The following KCND2 variants were observed in gnomAD, a reference collection of about 807,000 sequenced individuals.
KCND2 encodes potassium voltage-gated channel subfamily D member 2, also known as A-type voltage-gated potassium channel KCND2.
In KCND2, 16 loss-of-function variants were observed where a neutral mutation model predicts 54.4. The observed-to-expected ratio is 0.29, with a 90% CI of 0.20 to 0.45. KCND2 has a LOEUF of 0.45. Ranked by LOEUF, KCND2 falls within the 20% of genes least tolerant of loss-of-function variation. The pLI is 1.00. For synonymous variants in KCND2, 317 were observed against 310.7 expected, an observed-to-expected ratio of 1.02 and a Z score of -0.21; for missense variants, 486 against 824.2, an observed-to-expected ratio of 0.59 and a Z score of 5.02.
intron 1 of KCND2, among the ~76,000 whole-genome samples, chr7:120,425,428 A>C (rs558770063): frequency 6.6e-6 from 1 of 152,374 alleles, no homozygotes; most frequent in South Asian, 2.1e-4. Context: ...ACTATATTTG[A>C]GGAATTAATA....
At chr7:120,691,648 C>G (rs1792269897) in intron 1 of KCND2, among the ~76,000 whole-genome samples, 1 of 152,096 alleles carries the variant, frequency 6.6e-6, no homozygotes, top group Admixed American at 6.6e-5. Context: ...GACACATAGG[C>G]AGTTGGCTAT....
At chr7:120,523,704 CTG>C (rs199762798) in intron 1 of KCND2, among the ~76,000 whole-genome samples, 30,456 of 136,844 alleles carry the variant, frequency 0.22, 3,348 homozygotes, top group Non-Finnish European at 0.27. Context: ...CACACACACT[CTG>C]TGTGTGTGTG....
At chr7:120,707,399 C>T (rs555407921) in intron 1 of KCND2, among the ~76,000 whole-genome samples, 31 of 152,140 alleles carry the variant, frequency 2.0e-4, no homozygotes, top group African/African-American at 6.0e-4. Flanking sequence ...GAAATGACTG[C>T]GAGTCACTTA....
intron 1 of KCND2, among the ~76,000 whole-genome samples, chr7:120,526,456 A>G (rs1338014588): frequency 6.6e-6 from 1 of 152,156 alleles, no homozygotes; most frequent in Non-Finnish European, 1.5e-5. Context: ...TACTTAAGGA[A>G]ATTTCTTATG....
intron 1 of KCND2, among the ~76,000 whole-genome samples, chr7:120,393,463 A>C (rs1046318120): frequency 6.6e-6 from 1 of 151,966 alleles, no homozygotes; most frequent in Non-Finnish European, 1.5e-5. Context: ...TTCACTTCTC[A>C]TTGTTCTTTA....
intron 1 of KCND2, among the ~76,000 whole-genome samples, chr7:120,511,532 A>ACTACATTGTGTAGTGAG (rs1803115110): frequency 6.6e-6 from 1 of 152,114 alleles, no homozygotes; most frequent in African/African-American, 2.4e-5. Flanking sequence ...AGATACATGC[A>ACTACATTGTGTAGTGAG]ATAATTGTTT....
intron 1 of KCND2, among the ~76,000 whole-genome samples, chr7:120,356,860 TTCTC>T (rs1188063198): frequency 6.6e-6 from 1 of 152,132 alleles, no homozygotes; most frequent in Non-Finnish European, 1.5e-5. Context: ...AATCCAGTCT[TTCTC>T]TCTCTTGTCT....
At chr7:120,641,061 G>C (rs1014523809) in intron 1 of KCND2, among the ~76,000 whole-genome samples, 1 of 152,174 alleles carries the variant, frequency 6.6e-6, no homozygotes, top group South Asian at 2.1e-4. Flanking sequence ...GAATGAAGAC[G>C]AGAGAGAGCT....
chr7:120,280,127 A>G (rs1034091731), intron 1 of KCND2, among the ~76,000 whole-genome samples: 1 of 152,072 alleles, frequency 6.6e-6, no homozygotes, highest in Non-Finnish European at 1.5e-5. Context: ...AGTAACATCT[A>G]TTTTTATTTT....
chr7:120,497,836 G>C (rs991740780), intron 1 of KCND2, among the ~76,000 whole-genome samples: 1 of 152,112 alleles, frequency 6.6e-6, no homozygotes, highest in Non-Finnish European at 1.5e-5. Flanking sequence ...TGATAAAATA[G>C]TTTCACTTCA....
intron 1 of KCND2, chr7:120,672,892 A>G (rs989608134): frequency 5.9e-5 from 9 of 152,110 alleles, no homozygotes; most frequent in Non-Finnish European, 1.3e-4. Context: ...CACGTGTACT[A>G]ATAATATAGG....
intron 1 of KCND2, among the ~76,000 whole-genome samples, chr7:120,292,337 G>T (rs1243058870): frequency 6.6e-6 from 1 of 151,506 alleles, no homozygotes; most frequent in Non-Finnish European, 1.5e-5. Flanking sequence ...TAATTCATTT[G>T]CAATATTATC....
chr7:120,275,477 A>G lies in KCND2; in HGVS notation c.845A>G (p.Asn282Ser), dbSNP rs1263257326. 8.7e-6 allele frequency: 14 copies of G among 1,613,096 alleles called. No homozygotes were observed. Among genetic ancestry groups the G allele is most frequent in the African/African-American group, 1.3e-5 (1 of 74,690 alleles). The change falls in exon 1 of 6, where the codon AAT (asparagine) becomes AGT (serine). Residue 282 changes from asparagine to serine, a missense_variant. This residue lies in a region of KCND2 where 231 missense variants were observed against 386.0 expected (regional missense o/e 0.60). Coordinates refer to ENST00000331113, the MANE Select transcript of KCND2 (RefSeq NM_012281.3). ...TACATTGGGCTGGTGATGACAGACA[A>G]TGAGGACGTCAGCGGAGCCTTTGTC... ...PYYIGLVMTD[N>S]EDVSGAFVTL...
intron 1 of KCND2, among the ~76,000 whole-genome samples, chr7:120,366,702 A>G (rs1800687072): frequency 1.3e-5 from 2 of 152,128 alleles, no homozygotes; most frequent in East Asian, 3.9e-4. Context: ...CAACTGTCCT[A>G]AAAAGCAGCA....
intron 2 of KCND2, among the ~76,000 whole-genome samples, chr7:120,734,841 G>A (rs1341236286): frequency 6.6e-6 from 1 of 152,106 alleles, no homozygotes; most frequent in Non-Finnish European, 1.5e-5. Flanking sequence ...GAGAGACTTT[G>A]ATATAGTTAT....
intron 1 of KCND2, among the ~76,000 whole-genome samples, chr7:120,582,506 T>G (rs953262160): frequency 2.6e-5 from 4 of 152,144 alleles, no homozygotes; most frequent in African/African-American, 9.7e-5. Context: ...TGTTTTCTAC[T>G]ATTGGCCGCT....
chr7:120,327,085 A>G (rs184192054), intron 1 of KCND2, among the ~76,000 whole-genome samples: 10 of 152,268 alleles, frequency 6.6e-5, no homozygotes, highest in Admixed American at 5.9e-4. Context: ...GTAATAAACT[A>G]TGCAATCTAC....
intron 1 of KCND2, among the ~76,000 whole-genome samples, chr7:120,489,838 C>T (rs915171913): frequency 1.3e-5 from 2 of 152,084 alleles, no homozygotes; most frequent in South Asian, 4.1e-4. Context: ...AAAATACTTA[C>T]ATTTCTATTG....
chr7:120,520,139 A>C lies in KCND2; in HGVS notation c.1116-212764A>C, dbSNP rs567885664. The stretch of plus-strand genomic sequence containing the variant: ...ATATAACACTGAGATAAAAATATTT[A>C]CATCATGAAAGGAAAGCACTTGTTT... On this transcript the variant is annotated intron_variant, in intron 1 of 5. Transcript: ENST00000331113. Among the ~76,000 whole-genome samples the C allele has an allele frequency of 6.6e-5, 10 of 152,258 alleles. 1 individual carries two copies. In the South Asian group the frequency reaches 2.1e-3, roughly 32 times the overall value.
Sources: gnomAD v4.1 joint callset for allele counts (sites outside exome capture counted in the v4.1 genomes callset) on GRCh38, gnomAD v4.1.1 for gene constraint, gnomAD v4.1.1 regional missense constraint, MANE v1.5 for transcripts, NCBI Gene and HGNC (gene_info 2026-07-23, HGNC 2026-07-21) for gene names.